Variants in KCTD20 observed in about 807,000 individuals in gnomAD.
KCTD20 encodes the protein BTB/POZ domain-containing protein KCTD20.
A neutral mutation model predicts 39.6 loss-of-function variants in KCTD20; 30 were observed. The ratio of observed to expected loss-of-function variants is 0.76; its 90% CI spans 0.57 to 1.03. KCTD20 has a LOEUF of 1.03. KCTD20 is among the 50% of genes least tolerant of loss of function. The pLI is 0.00. For missense variants in KCTD20, 422 were observed against 522.0 expected (o/e 0.81, Z 1.87); for synonymous variants, 162 against 180.6 (o/e 0.90, Z 0.83).
chr6:36,453,017 T>C (rs1247911788), intron 1 of KCTD20, among the ~76,000 whole-genome samples: 16 of 143,286 alleles, frequency 1.1e-4, no homozygotes, highest in Admixed American at 1.1e-3. Flanking sequence ...TTTTTTTTTT[T>C]TTTTTTTGGA....
intron 1 of KCTD20, chr6:36,465,715 C>T (rs1176796017): frequency 6.6e-6 from 1 of 152,050 alleles, no homozygotes; most frequent in African/African-American, 2.4e-5. Flanking sequence ...AAAATCAAGA[C>T]TTAACAAAAT....
intron 2 of KCTD20, among the ~76,000 whole-genome samples, chr6:36,472,314 T>A (rs1775935629): frequency 6.6e-6 from 1 of 152,194 alleles, no homozygotes; most frequent in Admixed American, 6.5e-5. Context: ...TGAGAAGCTA[T>A]GGGATGGGAA....
intron 1 of KCTD20, among the ~76,000 whole-genome samples, chr6:36,448,671 C>T (rs541310203): frequency 6.6e-6 from 1 of 152,302 alleles, no homozygotes; most frequent in East Asian, 1.9e-4. Flanking sequence ...CTCTGTTTGA[C>T]TTGTAGATGG....
chr6:36,475,171 C>T (rs1217071581), intron 3 of KCTD20, 109 bp downstream of exon 3: 16 of 1,179,678 alleles, frequency 1.4e-5, no homozygotes, highest in Middle Eastern at 2.1e-4. Flanking sequence ...ATAGGTTGGG[C>T]GCGGTGGCTC....
chr6:36,469,457 T>C lies in KCTD20; in HGVS notation c.-46-595T>C, dbSNP rs1230248504. 6.6e-6 allele frequency among the ~76,000 whole-genome samples: 1 copy of C among 152,154 alleles called. No homozygotes were observed. The highest frequency in any genetic ancestry group is 2.4e-5 in the African/African-American group (1 of 41,432). On this transcript the variant is annotated intron_variant, in intron 1 of 7. Coordinates refer to ENST00000373731, the MANE Select transcript of KCTD20 (RefSeq NM_173562.5). The surrounding 1 kb of genome is among the most constrained non-coding windows in gnomAD (Gnocchi z 4.6). ...GAGATGAATGACATGATTAGCTTTATAGCCAGTGTGATTTTGAGGTGGGGT... is the reference window on the plus strand; with the variant it reads ...GAGATGAATGACATGATTAGCTTTACAGCCAGTGTGATTTTGAGGTGGGGT...
chr6:36,469,074 A>T lies in KCTD20; in HGVS notation c.-46-978A>T, dbSNP rs1333519453. Among the ~76,000 whole-genome samples the T allele has an allele frequency of 6.6e-6, 1 of 152,228 alleles. No individual in the cohort carries two copies. The highest frequency in any genetic ancestry group is 1.5e-5 in the Non-Finnish European group (1 of 68,034). On this transcript the variant is annotated intron_variant, in intron 1 of 7. Transcript: ENST00000373731. This position sits in a 1 kb window ranked among gnomAD's most constrained non-coding sequence, Gnocchi z 4.6. ...TACCACATGCTTGGTATGCCAGGAA[A>T]TTCAGAGTATTAAAATGCATTACTG... is the stretch of plus-strand genomic sequence containing the variant.
rs911249110 is a variant in KCTD20 at position 36,476,671 on chromosome 6, G to A, written c.434+1609G>A. On this transcript the variant is annotated intron_variant, in intron 3 of 7. Coordinates refer to ENST00000373731, the MANE Select transcript of KCTD20 (RefSeq NM_173562.5). ...TCTTGAACTCCTGACCTCGTGATCC[G>A]CCCACCTTAGCCTCCCAAAGTGCTG... Among the ~76,000 whole-genome samples, 26 of 151,896 alleles carry A rather than the reference G, an allele frequency of 1.7e-4. 1 individual carries two copies. Among genetic ancestry groups the A allele is most frequent in the Middle Eastern group, 6.3e-3 (2 of 316 alleles).
At chr6:36,481,864 T>C (rs1028216422) in intron 6 of KCTD20, 105 bp downstream of exon 6, 3 of 925,158 alleles carry the variant, frequency 3.2e-6, no homozygotes, top group African/African-American at 1.6e-5. Flanking sequence ...GAGCCTGTGA[T>C]GAGCACACTC....
rs1338775099 is a variant in KCTD20, at chr6:36,491,085, G to A, written c.*3910G>A. 2 of 151,846 alleles carry A rather than the reference G, an allele frequency of 1.3e-5. No homozygotes were observed. The highest frequency in any genetic ancestry group is 3.8e-4 in the East Asian group (2 of 5,200). 9.4% of individuals were successfully genotyped at this position (151,846 alleles called of 1,614,324 possible). The stretch of plus-strand genomic sequence containing the variant: ...TAAAATTGCACTTGTTCACCTACCA[G>A]TGTTTACGAAATCCTGTATTTGGGA... On this transcript the variant is annotated 3_prime_UTR_variant, in exon 8 of 8. Coordinates refer to ENST00000373731, the MANE Select transcript of KCTD20 (RefSeq NM_173562.5).
rs530907012 is a variant in KCTD20 at position 36,455,239 on chromosome 6, C to T, written c.-47+12128C>T. ...CCTGGCCAACACAGTGAAACCCTGC[C>T]GCTACTAAAAATACAAAAATTAGCT... On this transcript the variant is annotated intron_variant, in intron 1 of 7. Transcript: ENST00000373731. Among the ~76,000 whole-genome samples, 280 of 152,098 alleles carry T rather than the reference C, an allele frequency of 1.8e-3. 3 individuals are homozygous for T. Among genetic ancestry groups the T allele is most frequent in the Middle Eastern group, 6.8e-3 (2 of 294 alleles).
chr6:36,485,314 C>CAA lies in KCTD20; in HGVS notation c.967+502_967+503dup, dbSNP rs549109044. On this transcript the variant is annotated intron_variant, in intron 7 of 7. Coordinates refer to ENST00000373731, the MANE Select transcript of KCTD20 (RefSeq NM_173562.5). The stretch of plus-strand genomic sequence containing the variant: ...GGGCAATAAGAGTTAAACTTCATCT[C>CAA]AAAAAAAAAAAAAGATTATTCCATA... Among the ~76,000 whole-genome samples the CAA allele has an allele frequency of 3.6e-4, 48 of 135,126 alleles. 1 individual carries two copies. The highest frequency in any genetic ancestry group is 1.3e-3 in the Admixed American group (17 of 13,486). The allele number at this position is 135,126 out of a possible 152,430, so 88.6% of individuals were successfully genotyped here. A position where few individuals can be genotyped will look rare whatever the true frequency, so the allele number is the denominator to read the frequency against.
intron 3 of KCTD20, 131 bp from the exon 4 acceptor site, chr6:36,478,990 A>G: frequency 1.6e-6 from 1 of 623,478 alleles, no homozygotes; most frequent in Non-Finnish European, 2.8e-6. Context: ...ATTGGGTTCC[A>G]GTGCTGTGTT....
At position 36,475,026 on chromosome 6, in the gene KCTD20, A is replaced by C. The variant is rs1390313619; in HGVS notation, c.398A>C (p.Gln133Pro). The change falls in exon 3 of 8, where the codon CAG becomes CCG. Residue 133 changes from glutamine to proline, a missense_variant. Physicochemically the swap from Gln to Pro is moderately conservative, Grantham distance 76. Transcript: ENST00000373731. ...GGCACACGTTTTGTTGTGAATCCAC[A>C]GATTTTCACTGCTCATCCGGATACC... The part of the protein sequence containing the change: ...VDGTRFVVNP[Q>P]IFTAHPDTML... The C allele has an allele frequency of 2.5e-6, 4 of 1,614,072 alleles. No homozygotes were observed. Among genetic ancestry groups the C allele is most frequent in the East Asian group, 2.2e-5 (1 of 44,902 alleles).
At position 36,484,829 on chromosome 6, in the gene KCTD20, A is replaced by AG; in HGVS notation, c.967+5_967+6insG. ...ACATTCGCATTGGAATTGAAGGTAAAAAAAAAAAAAAAATCCCAGTCAACA... is the reference window on the plus strand; with the variant it reads ...ACATTCGCATTGGAATTGAAGGTAAAGAAAAAAAAAAAAATCCCAGTCAACA... On this transcript the variant is annotated splice_donor_region_variant and intron_variant, in intron 7 of 7. Transcript: ENST00000373731. 1.5e-6 allele frequency: 2 copies of AG among 1,325,716 alleles called. No individual in the cohort carries two copies. The highest frequency in any genetic ancestry group is 2.1e-6 in the Non-Finnish European group (2 of 958,048). 82.1% of individuals were successfully genotyped at this position (1,325,716 alleles called of 1,614,324 possible).
chr6:36,470,776 A>G (rs1206020011), intron 2 of KCTD20, among the ~76,000 whole-genome samples: 1 of 151,960 alleles, frequency 6.6e-6, no homozygotes, highest in Non-Finnish European at 1.5e-5. Context: ...AACTTTTTAT[A>G]TTTTTGGTAG....
In KCTD20 at chr6:36,443,017, A is replaced by T. The variant is rs936875792; in HGVS notation, c.-141A>T. 9.9e-5 allele frequency: 15 copies of T among 151,310 alleles called. No homozygotes were observed. Among genetic ancestry groups the T allele is most frequent in the African/African-American group, 2.9e-4 (12 of 41,376 alleles). The allele number at this position is 151,310 out of a possible 1,614,324, so 9.4% of individuals were successfully genotyped here. ...CGGGGGGCGCGCGCCGCTGCGGCAC[A>T]GCCGGTCCCGGCTGCGGCTTCTGGC... On this transcript the variant is annotated 5_prime_UTR_variant, in exon 1 of 8. Transcript: ENST00000373731.
chr6:36,443,875 G>A (rs1054275699), intron 1 of KCTD20, among the ~76,000 whole-genome samples: 1 of 152,222 alleles, frequency 6.6e-6, no homozygotes, highest in Non-Finnish European at 1.5e-5. Flanking sequence ...AGGCTGTGAA[G>A]GAACTGTTTA....
chr6:36,471,577 G>A (rs529221989), intron 2 of KCTD20, among the ~76,000 whole-genome samples: 3 of 152,308 alleles, frequency 2.0e-5, no homozygotes, highest in Non-Finnish European at 4.4e-5. Context: ...AGAAAGCTTA[G>A]GTAACTTGCT....
chr6:36,443,829 A>C (rs1179845511), intron 1 of KCTD20: 1 of 152,194 alleles, frequency 6.6e-6, no homozygotes, highest in Non-Finnish European at 1.5e-5. Context: ...TTTATTTTTA[A>C]ATAAGAATCT....
Sources: gnomAD v4.1 joint callset for allele counts (sites outside exome capture counted in the v4.1 genomes callset) on GRCh38, gnomAD v4.1.1 for gene constraint, Gnocchi (gnomAD v3.1) non-coding constraint, MANE v1.5 for transcripts, NCBI Gene and HGNC (gene_info 2026-07-23, HGNC 2026-07-21) for gene names.